TACC2: variants seen among roughly 807,000 people sequenced by gnomAD.
The protein encoded by TACC2 is transforming acidic coiled-coil-containing protein 2.
TACC2 carries 137 observed loss-of-function variants against 227.3 expected under a neutral mutation model. The ratio of observed to expected loss-of-function variants is 0.60; its 90% CI spans 0.52 to 0.69. The LOEUF is 0.69. Among genes scored for constraint, TACC2 ranks in the 30% least tolerant of loss-of-function variants. The probability of loss-of-function intolerance (pLI) is 0.00; values close to 1 mark genes in which losing one functional copy is unlikely to be tolerated. For missense variants in TACC2, 3,470 were observed against 3,694.4 expected (o/e 0.94, Z 1.57); for synonymous variants, 1,523 against 1,487.5 (o/e 1.02, Z -0.55).
chr10:122,030,236 C>T (rs1184036729), intron 2 of TACC2, among the ~76,000 whole-genome samples: 1 of 152,094 alleles, frequency 6.6e-6, no homozygotes, highest in African/African-American at 2.4e-5. Context: ...ATATAGGCAA[C>T]GTTGAAAATG....
intron 2 of TACC2, chr10:122,033,255 G>C (rs1591297751): frequency 1.4e-6 from 1 of 735,758 alleles, no homozygotes; most frequent in East Asian, 6.7e-5. Context: ...TATATATTTA[G>C]GTTTTCTCCT....
At chr10:122,052,153 C>G (rs994672877) in intron 3 of TACC2, 3 of 152,128 alleles carry the variant, frequency 2.0e-5, no homozygotes, top group Non-Finnish European at 4.4e-5. Flanking sequence ...GACTATGAAA[C>G]TAGTGAATGC....
At chr10:122,112,873 C>T (rs1054144773) in intron 5 of TACC2, among the ~76,000 whole-genome samples, 12 of 152,046 alleles carry the variant, frequency 7.9e-5, no homozygotes, top group South Asian at 2.1e-4. Flanking sequence ...CTGGGCGCGC[C>T]CGGCCCCGCG....
At chr10:122,132,468 G>A in intron 5 of TACC2, 141 bp from the exon 6 acceptor site, 1 of 990,296 alleles carries the variant, frequency 1.0e-6, no homozygotes. Flanking sequence ...AGAATTGCCT[G>A]TACCCTGGAG....
chr10:122,249,188 G>T, intron 21 of TACC2, 32 bp downstream of exon 21: 1 of 1,532,534 alleles, frequency 6.5e-7, no homozygotes, highest in Non-Finnish European at 8.9e-7. Context: ...TGGCTCCCAG[G>T]GGCCTCCCAG....
intron 5 of TACC2, among the ~76,000 whole-genome samples, chr10:122,096,206 T>C (rs545039496): frequency 6.6e-6 from 1 of 152,110 alleles, no homozygotes; most frequent in Non-Finnish European, 1.5e-5. Flanking sequence ...GGAGGTGTCT[T>C]TCCTGCACCC....
At chr10:122,128,876 G>GTCTCTCTCTCTCTCTCTCTCTCTCTC in intron 5 of TACC2, among the ~76,000 whole-genome samples, 1 of 150,164 alleles carries the variant, frequency 6.7e-6, no homozygotes, top group African/African-American at 2.4e-5. Flanking sequence ...TGCTTGCGCT[G>GTCTCTCTCTCTCTCTCTCTCTCTCTC]TCTCTCTCTC....
At chr10:122,029,015 T>G (rs1284248331) in intron 2 of TACC2, among the ~76,000 whole-genome samples, 1 of 87,738 alleles carries the variant, frequency 1.1e-5, no homozygotes, top group Non-Finnish European at 2.1e-5. Flanking sequence ...CCCCTCCCCT[T>G]CCCTTCCCGT....
At chr10:122,154,184 A>G (rs1274888235) in intron 7 of TACC2, among the ~76,000 whole-genome samples, 1 of 152,210 alleles carries the variant, frequency 6.6e-6, no homozygotes, top group Non-Finnish European at 1.5e-5. Flanking sequence ...CTCCATTCAT[A>G]TGCTCATAGT....
chr10:122,083,293 G>A lies in TACC2; in HGVS notation c.793G>A (p.Val265Ile). Reference sequence around the variant, plus strand: ...CCAGCAGGGCACAGAAAGCTCAGCGGTCTTGGAGAAGTCCCCCCTAAAACC... The same window carrying A: ...CCAGCAGGGCACAGAAAGCTCAGCGATCTTGGAGAAGTCCCCCCTAAAACC... ...AAQQGTESSAVLEKSPLKPMA... is the reference protein window; with the variant it reads ...AAQQGTESSAILEKSPLKPMA... The change falls in exon 4 of 23, where the codon GTC becomes ATC. Residue 265 changes from valine to isoleucine, a missense_variant. Val to Ile is a conservative substitution (Grantham distance 29). Transcript: ENST00000369005. 1.2e-6 allele frequency: 2 copies of A among 1,613,988 alleles called. No individual in the cohort carries two copies. Among genetic ancestry groups the A allele is most frequent in the South Asian group, 1.1e-5 (1 of 91,084 alleles).
intron 7 of TACC2, among the ~76,000 whole-genome samples, chr10:122,181,709 C>CT (rs1565529487): frequency 6.6e-6 from 1 of 152,152 alleles, no homozygotes; most frequent in Non-Finnish European, 1.5e-5. Context: ...TTAATTTAGA[C>CT]TTTATCATTT....
Position 122,227,870 on chromosome 10 carries a change from C to G in TACC2, c.7758C>G (p.Asn2586Lys), listed in dbSNP as rs775833159. 1.5e-5 allele frequency: 25 copies of G among 1,614,172 alleles called. No individual in the cohort carries two copies. The highest frequency in any genetic ancestry group is 2.0e-5 in the Non-Finnish European group (24 of 1,180,004). ...SSFEETEALVNTAAKNQHPVP... is the reference protein window; with the variant it reads ...SSFEETEALVKTAAKNQHPVP... ...TTGAAGAGACTGAAGCCCTTGTGAA[C>G]ACTGCTGCGAAAAACCAGCATCCTG... Residue 2586 changes from asparagine to lysine, a missense_variant, in exon 14 of 23, where the codon AAC becomes AAG. Coordinates refer to ENST00000369005, the MANE Select transcript of TACC2 (RefSeq NM_206862.4).
In TACC2 at chr10:122,085,385, C is replaced by T. The variant is rs770320810; in HGVS notation, c.2885C>T (p.Ser962Leu). 8.7e-6 allele frequency: 14 copies of T among 1,613,980 alleles called. No individual in the cohort carries two copies. Among genetic ancestry groups the T allele is most frequent in the South Asian group, 4.4e-5 (4 of 91,072 alleles). The change falls in exon 4 of 23, where the codon TCG becomes TTG. Residue 962 changes from serine (S) to leucine (L), a missense_variant. Physicochemically the swap from Ser to Leu is moderately radical, Grantham distance 145. Around this residue, in one of 10 missense-constraint regions of TACC2, gnomAD observed 1,924 missense variants for 1,978.3 expected, o/e 0.97. Transcript: ENST00000369005. ...ACGDGQSSRV[S>L]PPAADVLKDF... ...GGTGATGGTCAGTCCTCGAGGGTCT[C>T]GCCTCCAGCAGCAGATGTCTTAAAA...
At position 122,086,792 on chromosome 10, in the gene TACC2, C is replaced by T. The variant is rs777920896; in HGVS notation, c.4292C>T (p.Ala1431Val). 5 of 1,613,896 alleles carry T rather than the reference C, an allele frequency of 3.1e-6. No individual in the cohort carries two copies. The highest frequency in any genetic ancestry group is 4.2e-6 in the Non-Finnish European group (5 of 1,180,008). The change falls in exon 4 of 23, where the codon GCA (alanine) becomes GTA (valine). Residue 1431 changes from alanine (A) to valine (V), a missense_variant. Physicochemically the swap from Ala to Val is moderately conservative, Grantham distance 64 (BLOSUM62 0). Transcript: ENST00000369005. ...GCCCTGGCCACACCTGGAGAAAAGG[C>T]AGGAGCTGGGAGGAGTGCAGTGGGT... The part of the protein sequence containing the change: ...LGALATPGEK[A>V]GAGRSAVGKD...
chr10:122,205,339 T>C lies in TACC2; in HGVS notation c.5972-5058T>C, dbSNP rs1417769791. Reference sequence around the variant, plus strand: ...TGGCACGGGCCTCCTGCTCTCTTGCTGGTCGGTTTTGGGTTTGGTTTCTTG... The same window carrying C: ...TGGCACGGGCCTCCTGCTCTCTTGCCGGTCGGTTTTGGGTTTGGTTTCTTG... On this transcript the variant is annotated intron_variant, in intron 8 of 22. Transcript: ENST00000369005. The surrounding 1 kb of genome is among the most constrained non-coding windows in gnomAD (Gnocchi z 4.5). 6.6e-6 allele frequency among the ~76,000 whole-genome samples: 1 copy of C among 152,166 alleles called. No homozygotes were observed. Among genetic ancestry groups the C allele is most frequent in the Non-Finnish European group, 1.5e-5 (1 of 68,030 alleles).
chr10:122,253,524 C>G (rs895012051), intron 22 of TACC2, among the ~76,000 whole-genome samples: 1 of 152,172 alleles, frequency 6.6e-6, no homozygotes, highest in South Asian at 2.1e-4. Context: ...TTTGGCATCC[C>G]TCTGAGCAAT....
At chr10:122,198,657 C>T (rs2094665634) in intron 8 of TACC2, among the ~76,000 whole-genome samples, 2 of 152,190 alleles carry the variant, frequency 1.3e-5, no homozygotes, top group Non-Finnish European at 2.9e-5. Context: ...CCTCATACGC[C>T]ATCTCACAGC....
At chr10:122,003,196 C>G (rs1055779568) in intron 1 of TACC2, among the ~76,000 whole-genome samples, 4 of 152,110 alleles carry the variant, frequency 2.6e-5, no homozygotes, top group African/African-American at 9.6e-5. Flanking sequence ...CAAAGCAAGA[C>G]TCTGTCTCAA....
intron 16 of TACC2, among the ~76,000 whole-genome samples, chr10:122,236,694 G>C (rs2095863530): frequency 6.6e-6 from 1 of 152,186 alleles, no homozygotes; most frequent in Non-Finnish European, 1.5e-5. Flanking sequence ...CATGCCACTT[G>C]TTCAGGGTCT....
Sources: allele counts gnomAD v4.1 joint callset (sites outside exome capture counted in the v4.1 genomes callset), GRCh38; gene constraint gnomAD v4.1.1; regional missense constraint gnomAD v4.1.1; non-coding constraint Gnocchi (gnomAD v3.1); transcripts MANE v1.5; gene names NCBI Gene and HGNC (gene_info 2026-07-23, HGNC 2026-07-21).